MCTP2: variants seen among roughly 807,000 people sequenced by gnomAD.
The protein encoded by MCTP2 is multiple C2 and transmembrane domain containing 2.
Under a neutral mutation model 111.6 loss-of-function variants are expected in MCTP2, and 132 were observed. That is an observed-to-expected ratio of 1.18 (90% CI 1.03 to 1.37). The LOEUF (loss-of-function observed/expected upper bound fraction) is 1.37. MCTP2 is among the 40% of genes most tolerant of loss of function. MCTP2 has a pLI of 0.00. For missense variants in MCTP2, 1,183 were observed against 1,067.9 expected (o/e 1.11, Z -1.50); for synonymous variants, 395 against 387.7 (o/e 1.02, Z -0.22).
At chr15:94,305,449 A>T (rs1275049495) in intron 2 of MCTP2, among the ~76,000 whole-genome samples, 1 of 152,190 alleles carries the variant, frequency 6.6e-6, no homozygotes, top group Non-Finnish European at 1.5e-5. Context: ...CTACTGCCAC[A>T]TACCAATACC....
At chr15:94,259,971 A>G (rs186040291) in intron 1 of MCTP2, among the ~76,000 whole-genome samples, 3 of 152,306 alleles carry the variant, frequency 2.0e-5, no homozygotes, top group Admixed American at 2.0e-4. Context: ...CAGATCATAC[A>G]TTGGGTAAGG....
Position 94,478,974 on chromosome 15 carries a change from T to C in MCTP2, c.2577T>C (p.Tyr859=). 6.2e-7 allele frequency: 1 copy of C among 1,614,046 alleles called. No individual in the cohort carries two copies. The highest frequency in any genetic ancestry group is 8.5e-7 in the Non-Finnish European group (1 of 1,179,998). ...RVPSDVQKVQ[Y]AELKLCSSHS... Reference sequence around the variant, plus strand: ...GCTATTTGTTTTCACAGGTGCAGTATGCAGAATTGAAACTCTGCAGCAGCC... The same window carrying C: ...GCTATTTGTTTTCACAGGTGCAGTACGCAGAATTGAAACTCTGCAGCAGCC... The change falls in exon 23 of 23, where the codon TAT becomes TAC. Residue 859 remains tyrosine, a synonymous_variant. Coordinates refer to ENST00000357742, the MANE Select transcript of MCTP2 (RefSeq NM_001385001.1).
intron 17 of MCTP2, among the ~76,000 whole-genome samples, chr15:94,417,807 T>C (rs1229973013): frequency 6.6e-6 from 1 of 152,156 alleles, no homozygotes; most frequent in Admixed American, 6.6e-5. Context: ...CCTAAAGGAA[T>C]TGTACTTTGC....
chr15:94,244,815 T>C (rs562801315), intron 1 of MCTP2, among the ~76,000 whole-genome samples: 1 of 145,132 alleles, frequency 6.9e-6, no homozygotes, highest in Non-Finnish European at 1.5e-5. Context: ...TACGTATATG[T>C]ATACACATAT....
At chr15:94,444,350 A>G (rs1324136362) in intron 19 of MCTP2, among the ~76,000 whole-genome samples, 1 of 152,220 alleles carries the variant, frequency 6.6e-6, no homozygotes, top group African/African-American at 2.4e-5. Context: ...TGTTTCTATG[A>G]AGGTTTCATT....
intron 14 of MCTP2, among the ~76,000 whole-genome samples, chr15:94,390,821 C>T (rs775107587): frequency 1.1e-4 from 16 of 151,174 alleles, no homozygotes; most frequent in Admixed American, 4.0e-4. Flanking sequence ...CCTCCACCTC[C>T]CAGGCTCAAG....
chr15:94,279,962 T>C (rs1195528038), intron 1 of MCTP2, among the ~76,000 whole-genome samples: 1 of 152,190 alleles, frequency 6.6e-6, no homozygotes, highest in Non-Finnish European at 1.5e-5. Context: ...TACTATATCA[T>C]GGTGGCTTAG....
At position 94,358,498 on chromosome 15, in the gene MCTP2, CA is replaced by C. The variant is rs780652059; in HGVS notation, c.1190del (p.Asn397IlefsTer48). Reference protein sequence around the residue: ...RYKSKTLCKSANPQWQEQFDF... With the variant: ...RYKSKTLCKSXNPQWQEQFDF... ...GTTTTCTAGACACTGTGTAAGAGTG[CA>C]AATCCGCAGTGGCAGGAACAGTTTG... is the stretch of plus-strand genomic sequence containing the variant. On this transcript the variant is annotated frameshift_variant, in exon 10 of 23. Coordinates refer to ENST00000357742, the MANE Select transcript of MCTP2 (RefSeq NM_001385001.1). LOFTEE classifies it high-confidence loss of function. The C allele has an allele frequency of 3.1e-6, 5 of 1,613,438 alleles. No homozygotes were observed. The highest frequency in any genetic ancestry group is 1.7e-5 in the Admixed American group (1 of 59,978).
chr15:94,477,778 T>C (rs1292131270), intron 22 of MCTP2, among the ~76,000 whole-genome samples: 1 of 152,218 alleles, frequency 6.6e-6, no homozygotes, highest in Non-Finnish European at 1.5e-5. Context: ...TGTGATGCTA[T>C]CTTCCTTTAA....
At chr15:94,260,109 G>A (rs1410143176) in intron 1 of MCTP2, among the ~76,000 whole-genome samples, 4 of 152,160 alleles carry the variant, frequency 2.6e-5, no homozygotes, top group Admixed American at 2.6e-4. Context: ...TACCTCTCAT[G>A]TTGTCTTCTC....
At chr15:94,464,258 T>TA (rs1567764804) in intron 20 of MCTP2, among the ~76,000 whole-genome samples, 2 of 27,536 alleles carry the variant, frequency 7.3e-5, no homozygotes, top group Admixed American at 6.7e-4. Context: ...ATATATATAT[T>TA]ATATATATAT....
At chr15:94,256,988 C>A (rs1312952915) in intron 1 of MCTP2, among the ~76,000 whole-genome samples, 2 of 152,132 alleles carry the variant, frequency 1.3e-5, no homozygotes, top group African/African-American at 4.8e-5. Flanking sequence ...TCCCTGACTT[C>A]CCAATTCACT....
intron 2 of MCTP2, among the ~76,000 whole-genome samples, chr15:94,306,922 A>G (rs1453699252): frequency 6.6e-6 from 1 of 152,232 alleles, no homozygotes; most frequent in Admixed American, 6.5e-5. Flanking sequence ...TCCAGGTTGC[A>G]AAATTAAACA....
At chr15:94,355,024 C>T (rs1208371292) in intron 8 of MCTP2, among the ~76,000 whole-genome samples, 1 of 152,212 alleles carries the variant, frequency 6.6e-6, no homozygotes, top group Non-Finnish European at 1.5e-5. Flanking sequence ...TGTTATTTCA[C>T]TTACTGAACG....
At chr15:94,381,195 G>T (rs1440514742) in intron 12 of MCTP2, among the ~76,000 whole-genome samples, 1 of 152,182 alleles carries the variant, frequency 6.6e-6, no homozygotes, top group Non-Finnish European at 1.5e-5. Flanking sequence ...TCTCAAATAA[G>T]AATATTTGTT....
chr15:94,450,278 A>G (rs1215428571), intron 19 of MCTP2, among the ~76,000 whole-genome samples: 1 of 152,222 alleles, frequency 6.6e-6, no homozygotes, highest in Non-Finnish European at 1.5e-5. Context: ...TACACTCCAG[A>G]AAGAGTACAG....
chr15:94,478,890 T>G (rs2074579905), intron 22 of MCTP2, 76 bp from the exon 23 acceptor site: 2 of 1,302,840 alleles, frequency 1.5e-6, no homozygotes, highest in Non-Finnish European at 1.1e-6. Flanking sequence ...TCGGTTGTCC[T>G]TGGGGAGCCA....
At chr15:94,241,088 A>AAT (rs2070914772) in intron 1 of MCTP2, among the ~76,000 whole-genome samples, 1 of 152,060 alleles carries the variant, frequency 6.6e-6, no homozygotes, top group Non-Finnish European at 1.5e-5. Context: ...TACTTCTCTG[A>AAT]ATACTCCACT....
rs889873034 is a variant in MCTP2, at chr15:94,476,722, C to T, written c.2497C>T (p.Arg833Ter). Reference sequence around the variant, plus strand: ...CATAAATAAATTTACTAAGAAGCTTCGAAATCCCTATTCCATCGACAATAA... The same window carrying T: ...CATAAATAAATTTACTAAGAAGCTTTGAAATCCCTATTCCATCGACAATAA... Reference protein sequence around the residue: ...WGINKFTKKLRNPYSIDNNEL... With the variant: ...WGINKFTKKL The change falls in exon 22 of 23, where the codon CGA (arginine) becomes TGA (stop). Residue 833 changes from arginine (R) to a stop codon, truncating the protein, a stop_gained. Transcript: ENST00000357742. LOFTEE classifies it high-confidence loss of function. 4.4e-6 allele frequency: 7 copies of T among 1,604,334 alleles called. No individual in the cohort carries two copies. In the East Asian group the frequency reaches 6.7e-5, roughly 15 times the overall value.
Sources: gnomAD v4.1 joint callset for allele counts (sites outside exome capture counted in the v4.1 genomes callset) on GRCh38, gnomAD v4.1.1 for gene constraint, MANE v1.5 for transcripts, NCBI Gene and HGNC (gene_info 2026-07-23, HGNC 2026-07-21) for gene names.